The following KDM4C variants were observed in gnomAD, a reference collection of about 807,000 sequenced individuals.
KDM4C encodes the protein lysine demethylase 4C, also known as lysine-specific demethylase 4C.
In KDM4C, 81 loss-of-function variants were observed where a neutral mutation model predicts 129.3. That is an observed-to-expected ratio of 0.63 (90% CI 0.52 to 0.75). KDM4C has a LOEUF of 0.75. Ranked by LOEUF, KDM4C falls within the 30% of genes least tolerant of loss-of-function variation. The pLI is 0.00. For missense variants in KDM4C, 1,457 were observed against 1,304.0 expected (o/e 1.12, Z -1.81); for synonymous variants, 573 against 456.1 (o/e 1.26, Z -3.26).
At chr9:6,829,015 A>G (rs187188916) in intron 4 of KDM4C, among the ~76,000 whole-genome samples, 1 of 152,222 alleles carries the variant, frequency 6.6e-6, no homozygotes, top group Non-Finnish European at 1.5e-5. Flanking sequence ...TAAATCAACA[A>G]ATATGTGTGG....
intron 11 of KDM4C, among the ~76,000 whole-genome samples, chr9:6,989,351 G>A (rs1232704070): frequency 6.6e-6 from 1 of 152,008 alleles, no homozygotes; most frequent in Non-Finnish European, 1.5e-5. Context: ...AAGCTTGCTG[G>A]GTTCAAACTC....
chr9:7,003,400 A>G (rs1188371411), intron 12 of KDM4C, among the ~76,000 whole-genome samples: 2 of 150,542 alleles, frequency 1.3e-5, no homozygotes, highest in Admixed American at 6.6e-5. Context: ...GGTGAAACCC[A>G]TCTCCTCAGA....
intron 2 of KDM4C, among the ~76,000 whole-genome samples, chr9:6,802,017 A>G (rs957693109): frequency 2.6e-5 from 4 of 151,814 alleles, no homozygotes; most frequent in Non-Finnish European, 4.4e-5. Context: ...AGATAGGAGA[A>G]TTGCTTGAAC....
intron 8 of KDM4C, among the ~76,000 whole-genome samples, chr9:6,934,050 A>G (rs1415916404): frequency 6.6e-6 from 1 of 151,940 alleles, no homozygotes; most frequent in Non-Finnish European, 1.5e-5. Flanking sequence ...GGGTTTCACC[A>G]TGTTGGCCAG....
chr9:6,987,917 G>C (rs1818005184), intron 11 of KDM4C, among the ~76,000 whole-genome samples: 1 of 151,822 alleles, frequency 6.6e-6, no homozygotes, highest in South Asian at 2.1e-4. Flanking sequence ...TGCACTTTGA[G>C]AGACTGTGGT....
chr9:6,913,022 CA>C (rs1352824090), intron 8 of KDM4C, among the ~76,000 whole-genome samples: 4 of 151,910 alleles, frequency 2.6e-5, no homozygotes, highest in African/African-American at 4.8e-5. Context: ...AAATAAAAAG[CA>C]AAGAAAATAC....
At chr9:7,054,993 A>G (rs980388589) in intron 17 of KDM4C, among the ~76,000 whole-genome samples, 11 of 152,142 alleles carry the variant, frequency 7.2e-5, no homozygotes, top group African/African-American at 2.4e-4. Flanking sequence ...CCTGGCCAAC[A>G]TGGTGAAACC....
At position 7,084,375 on chromosome 9, in the gene KDM4C, C is replaced by T. The variant is rs543182574; in HGVS notation, c.2425-19310C>T. Among the ~76,000 whole-genome samples, 22 of 152,306 alleles carry T rather than the reference C, an allele frequency of 1.4e-4. No individual in the cohort carries two copies. In the South Asian group the frequency reaches 2.9e-3, roughly 20 times the overall value. On this transcript the variant is annotated intron_variant, in intron 17 of 21. Transcript: ENST00000381309. ...ATGAGCAAGACAAACGTTTTGTTAGCCACTGTGGTGTTAGAGATGATTGTT... is the reference window on the plus strand; with the variant it reads ...ATGAGCAAGACAAACGTTTTGTTAGTCACTGTGGTGTTAGAGATGATTGTT...
chr9:7,155,598 A>G (rs1021334395), intron 19 of KDM4C, among the ~76,000 whole-genome samples: 6 of 152,106 alleles, frequency 3.9e-5, no homozygotes, highest in African/African-American at 1.4e-4. Flanking sequence ...ATGAGTGAGA[A>G]CATGCAGTGT....
chr9:6,934,168 G>C (rs1824277908), intron 8 of KDM4C, among the ~76,000 whole-genome samples: 1 of 137,384 alleles, frequency 7.3e-6, no homozygotes, highest in Non-Finnish European at 1.7e-5. Flanking sequence ...CTTCCTGATT[G>C]TAAAAAAAAT....
intron 15 of KDM4C, among the ~76,000 whole-genome samples, chr9:7,045,110 A>G (rs191437921): frequency 1.3e-5 from 2 of 152,110 alleles, no homozygotes; most frequent in Non-Finnish European, 2.9e-5. Context: ...TTGAGCCTAC[A>G]CATTGTATTT....
In KDM4C at chr9:6,841,195, A is replaced by T. The variant is rs368509610; in HGVS notation, c.436-8312A>T. 3.9e-5 allele frequency among the ~76,000 whole-genome samples: 6 copies of T among 152,176 alleles called. No individual in the cohort carries two copies. In the East Asian group the frequency reaches 1.2e-3, roughly 29 times the overall value. ...TGGTAGTTCCCCCTGTGAATTCTTG[A>T]ATTTCAAAAATTTTTATTGGTCATT... is the stretch of plus-strand genomic sequence containing the variant. On this transcript the variant is annotated intron_variant, in intron 4 of 21. Transcript: ENST00000381309.
chr9:6,925,911 G>T (rs369105971), intron 8 of KDM4C, among the ~76,000 whole-genome samples: 1 of 152,106 alleles, frequency 6.6e-6, no homozygotes, highest in Non-Finnish European at 1.5e-5. Flanking sequence ...ATCTTGAGCC[G>T]CAGCTTAGCT....
intron 21 of KDM4C, among the ~76,000 whole-genome samples, chr9:7,173,995 C>A (rs1039559503): frequency 6.6e-6 from 1 of 152,122 alleles, no homozygotes; most frequent in Admixed American, 6.5e-5. Context: ...AGAAAGGGAA[C>A]CCCTGAGACA....
intron 8 of KDM4C, among the ~76,000 whole-genome samples, chr9:6,905,301 C>G (rs762406973): frequency 2.0e-4 from 31 of 152,126 alleles, no homozygotes; most frequent in Non-Finnish European, 3.1e-4. Context: ...AGAAACACTT[C>G]TAAACCCTGA....
chr9:6,924,794 C>G lies in KDM4C; in HGVS notation c.921+31562C>G. On this transcript the variant is annotated intron_variant, in intron 8 of 21. Coordinates refer to ENST00000381309, the MANE Select transcript of KDM4C (RefSeq NM_015061.6). ...TTTAAAGTTATTTTCCCTGTATATTCTTTTTTTTGGTTTCTGCATTCCACT... is the reference window on the plus strand; with the variant it reads ...TTTAAAGTTATTTTCCCTGTATATTGTTTTTTTTGGTTTCTGCATTCCACT... 4 of 978,176 alleles carry G rather than the reference C, an allele frequency of 4.1e-6. No homozygotes were observed. In the South Asian group the frequency reaches 1.9e-4, roughly 46 times the overall value. 60.6% of individuals were successfully genotyped at this position (978,176 alleles called of 1,614,324 possible).
chr9:6,720,915 C>A (rs980607940), exon 1 of KDM4C: 1 of 1,545,880 alleles, frequency 6.5e-7, no homozygotes, highest in African/African-American at 1.4e-5. Context: ...TTGGAGTGTT[C>A]TGCATTCATG....
At position 6,981,624 on chromosome 9, in the gene KDM4C, A is replaced by T. The variant is rs116789900; in HGVS notation, c.1115+506A>T. ...ACACAGCATATAGCATTTCTGTAAC[A>T]TGCTTATCCTTGTGAACTTTATTCT... On this transcript the variant is annotated intron_variant, in intron 9 of 21. Transcript: ENST00000381309. Among the ~76,000 whole-genome samples, 1,504 of 152,276 alleles carry T rather than the reference A, an allele frequency of 9.9e-3. 17 individuals are homozygous for T. The highest frequency in any genetic ancestry group is 0.035 in the African/African-American group (1,456 of 41,532).
intron 5 of KDM4C, among the ~76,000 whole-genome samples, chr9:6,852,393 C>G (rs1437952202): frequency 1.3e-5 from 2 of 152,134 alleles, no homozygotes; most frequent in Non-Finnish European, 2.9e-5. Context: ...TGTCTGGACT[C>G]CAGTTCCTTC....
Sources: allele counts gnomAD v4.1 joint callset (sites outside exome capture counted in the v4.1 genomes callset), GRCh38; gene constraint gnomAD v4.1.1; transcripts MANE v1.5; gene names NCBI Gene and HGNC (gene_info 2026-07-23, HGNC 2026-07-21).